MCUB: variants seen among roughly 807,000 people sequenced by gnomAD.
MCUB encodes the protein calcium uniporter regulatory subunit MCUb, mitochondrial.
Under a neutral mutation model 41.4 loss-of-function variants are expected in MCUB, and 46 were observed. The observed-to-expected ratio is 1.11, with a 90% CI of 0.88 to 1.42. The LOEUF is 1.42. Among genes scored for constraint, MCUB ranks in the 40% most tolerant of loss-of-function variants. MCUB has a pLI of 0.00. For missense variants in MCUB, 403 were observed against 404.9 expected (o/e 1.00, Z 0.04); for synonymous variants, 148 against 148.2 (o/e 1.00, Z 0.01).
chr4:109,598,451 T>A (rs1485606771), intron 1 of MCUB, among the ~76,000 whole-genome samples: 2 of 151,836 alleles, frequency 1.3e-5, no homozygotes, highest in Admixed American at 1.3e-4. Context: ...CGAAAACCAG[T>A]CAGGCGTGGC....
At chr4:109,576,427 G>A (rs1727030417) in intron 1 of MCUB, among the ~76,000 whole-genome samples, 1 of 151,120 alleles carries the variant, frequency 6.6e-6, no homozygotes. Context: ...TTCAGAACAG[G>A]GAATAAAAAT....
intron 1 of MCUB, among the ~76,000 whole-genome samples, chr4:109,586,929 G>A (rs895855541): frequency 6.6e-6 from 1 of 152,210 alleles, no homozygotes; most frequent in African/African-American, 2.4e-5. Flanking sequence ...CCCACTTGAG[G>A]AGGCAGTCTG....
At position 109,589,063 on chromosome 4, in the gene MCUB, T is replaced by C. The variant is rs58295548; in HGVS notation, c.99+28627T>C. Among the ~76,000 whole-genome samples, 537 of 152,320 alleles carry C rather than the reference T, an allele frequency of 3.5e-3. 7 individuals are homozygous for C. The highest frequency in any genetic ancestry group is 0.013 in the East Asian group (70 of 5,188). ...ACACAGGGCAGCATTGAATATATTG[T>C]GCTTTTTGAAATTATTTTTGTGTAA... On this transcript the variant is annotated intron_variant, in intron 1 of 7. Transcript: ENST00000394650.
At chr4:109,594,180 CAG>C (rs1259850573) in intron 1 of MCUB, among the ~76,000 whole-genome samples, 3 of 152,216 alleles carry the variant, frequency 2.0e-5, no homozygotes, top group Non-Finnish European at 4.4e-5. Context: ...ATTTCTAAAA[CAG>C]AGTATTTAGC....
intron 1 of MCUB, among the ~76,000 whole-genome samples, chr4:109,623,151 TAAA>T (rs896067102): frequency 2.0e-5 from 3 of 152,168 alleles, no homozygotes; most frequent in Middle Eastern, 3.2e-3. Flanking sequence ...TCAACCATCT[TAAA>T]GAATAAGAAG....
intron 3 of MCUB, 99 bp downstream of exon 3, chr4:109,660,464 C>A: frequency 1.7e-6 from 1 of 582,020 alleles, no homozygotes; most frequent in South Asian, 2.9e-5. Context: ...TTGTTTAATT[C>A]ATTAGATAAT....
At chr4:109,584,753 T>A (rs7692056) in intron 1 of MCUB, among the ~76,000 whole-genome samples, 28,950 of 152,186 alleles carry the variant, frequency 0.19, 3,846 homozygotes, top group African/African-American at 0.37. Flanking sequence ...TTCCATGTAG[T>A]TGCGTGGTTT....
At chr4:109,610,112 A>C (rs182198150) in intron 1 of MCUB, among the ~76,000 whole-genome samples, 48 of 152,268 alleles carry the variant, frequency 3.2e-4, no homozygotes, top group Non-Finnish European at 6.5e-4. Context: ...TTAAGGCCCA[A>C]GGGTCTTCGG....
rs1579049394 is a variant in MCUB at position 109,582,647 on chromosome 4, C to T, written c.99+22211C>T. 4.0e-5 allele frequency among the ~76,000 whole-genome samples: 6 copies of T among 150,968 alleles called. No individual in the cohort carries two copies. In the Middle Eastern group the frequency reaches 0.021, roughly 524 times the overall value. ...TTTAGTCATGAAGTCCTTGTCCATG[C>T]CTGTGTCATGAATCGTATTGCATAG... On this transcript the variant is annotated intron_variant, in intron 1 of 7. Coordinates refer to ENST00000394650, the MANE Select transcript of MCUB (RefSeq NM_017918.5).
chr4:109,615,794 CAA>C (rs1002081366), intron 1 of MCUB, among the ~76,000 whole-genome samples: 5 of 152,144 alleles, frequency 3.3e-5, no homozygotes, highest in Non-Finnish European at 7.4e-5. Context: ...GTACACTAAT[CAA>C]AAAGAGTCTT....
chr4:109,638,411 TAAA>T (rs60114567), intron 1 of MCUB, among the ~76,000 whole-genome samples: 39,009 of 138,224 alleles, frequency 0.28, 5,553 homozygotes, highest in East Asian at 0.48. Context: ...GCATTATATC[TAAA>T]AAAAAAAAAA....
At chr4:109,586,097 G>A (rs908848121) in intron 1 of MCUB, among the ~76,000 whole-genome samples, 10 of 152,166 alleles carry the variant, frequency 6.6e-5, no homozygotes, top group Non-Finnish European at 8.8e-5. Flanking sequence ...CCAATCAGAC[G>A]TAGATTTGGT....
chr4:109,595,488 G>C (rs1364194407), intron 1 of MCUB, among the ~76,000 whole-genome samples: 6 of 119,250 alleles, frequency 5.0e-5, no homozygotes, highest in Admixed American at 8.7e-5. Flanking sequence ...ATTAGAAAAA[G>C]CAATTTGAGC....
intron 1 of MCUB, among the ~76,000 whole-genome samples, chr4:109,604,484 C>T (rs1310356299): frequency 6.6e-6 from 1 of 152,184 alleles, no homozygotes; most frequent in Non-Finnish European, 1.5e-5. Context: ...TTAACTTCTT[C>T]CTTTCCAGTT....
intron 5 of MCUB, 151 bp downstream of exon 5, chr4:109,682,893 C>A: frequency 1.7e-6 from 1 of 581,134 alleles, no homozygotes; most frequent in East Asian, 3.0e-5. Flanking sequence ...CTTTTATCTT[C>A]CTCATTTTTC....
intron 4 of MCUB, among the ~76,000 whole-genome samples, chr4:109,681,214 T>C (rs141619392): frequency 1.3e-3 from 202 of 152,280 alleles, no homozygotes; most frequent in Non-Finnish European, 2.2e-3. Flanking sequence ...CCTCAGCTGA[T>C]AGAGCATCTT....
At chr4:109,582,557 T>TAA in intron 1 of MCUB, among the ~76,000 whole-genome samples, 1 of 35,046 alleles carries the variant, frequency 2.9e-5, no homozygotes, top group South Asian at 9.7e-4. Flanking sequence ...AATCACAGTT[T>TAA]AACAAAAAAA....
intron 1 of MCUB, among the ~76,000 whole-genome samples, chr4:109,611,523 C>T (rs1728007294): frequency 6.6e-6 from 1 of 152,136 alleles, no homozygotes; most frequent in African/African-American, 2.4e-5. Context: ...AATCTTATTT[C>T]CCCACATCTA....
chr4:109,587,814 T>C (rs1424381727), intron 1 of MCUB, among the ~76,000 whole-genome samples: 1 of 152,150 alleles, frequency 6.6e-6, no homozygotes, highest in African/African-American at 2.4e-5. Context: ...TATAGGCCTA[T>C]CCTGGAAGCT....
Sources: allele counts gnomAD v4.1 joint callset (sites outside exome capture counted in the v4.1 genomes callset), GRCh38; gene constraint gnomAD v4.1.1; transcripts MANE v1.5; gene names NCBI Gene and HGNC (gene_info 2026-07-23, HGNC 2026-07-21).